The following PRELID2 variants were observed in gnomAD, a reference collection of about 807,000 sequenced individuals.
The protein encoded by PRELID2 is PRELI domain containing 2.
PRELID2 carries 25 observed loss-of-function variants against 28.4 expected under a neutral mutation model. That is an observed-to-expected ratio of 0.88 (90% CI 0.64 to 1.23). The LOEUF (loss-of-function observed/expected upper bound fraction) is 1.23, where lower values mean the gene tolerates loss of function less well. Among genes scored for constraint, PRELID2 ranks in the 50% most tolerant of loss-of-function variants. The pLI is 0.00. For missense variants in PRELID2, 201 were observed against 214.4 expected, an observed-to-expected ratio of 0.94 and a Z score of 0.39; for synonymous variants, 76 against 71.6, an observed-to-expected ratio of 1.06 and a Z score of -0.31.
intron 1 of PRELID2, among the ~76,000 whole-genome samples, chr5:145,581,263 T>C (rs1337343460): frequency 1.3e-5 from 2 of 152,080 alleles, no homozygotes; most frequent in Non-Finnish European, 2.9e-5. Context: ...GCCTGTCCTC[T>C]GCCTTTCATA....
chr5:145,650,504 T>C (rs1195774231), intron 1 of PRELID2, among the ~76,000 whole-genome samples: 3 of 142,702 alleles, frequency 2.1e-5, no homozygotes, highest in African/African-American at 5.2e-5. Context: ...AAGGTGAATT[T>C]TGAGCATATC....
At chr5:145,654,208 G>A (rs1046694250) in intron 1 of PRELID2, among the ~76,000 whole-genome samples, 9 of 152,124 alleles carry the variant, frequency 5.9e-5, no homozygotes, top group Non-Finnish European at 1.2e-4. Context: ...GGAAGAACTC[G>A]AATCCCTGAA....
chr5:145,468,634 A>G (rs1238995649), downstream of PRELID2, among the ~76,000 whole-genome samples: 1 of 152,080 alleles, frequency 6.6e-6, no homozygotes, highest in South Asian at 2.1e-4. Flanking sequence ...ATGGCATCTC[A>G]CTGTGGTTTT....
the PRELID2 span, among the ~76,000 whole-genome samples, chr5:145,428,351 A>G: frequency 6.6e-6 from 1 of 152,202 alleles, no homozygotes; most frequent in East Asian, 1.9e-4. Flanking sequence ...ACCCATTGTA[A>G]GAATCTCTAC....
chr5:145,613,054 A>C (rs915923616), intron 1 of PRELID2, among the ~76,000 whole-genome samples: 25 of 152,138 alleles, frequency 1.6e-4, no homozygotes, highest in Admixed American at 1.3e-3. Context: ...GAATCTCCAC[A>C]CTGTTTTCCC....
At chr5:145,532,547 A>G (rs1180094797) in intron 1 of PRELID2, among the ~76,000 whole-genome samples, 1 of 152,084 alleles carries the variant, frequency 6.6e-6, no homozygotes, top group African/African-American at 2.4e-5. Context: ...CTTGTTGTAC[A>G]ATAGATCTGC....
At chr5:145,629,707 G>A (rs1176515880) in intron 1 of PRELID2, among the ~76,000 whole-genome samples, 2 of 152,104 alleles carry the variant, frequency 1.3e-5, no homozygotes, top group African/African-American at 4.8e-5. Flanking sequence ...TTATAAATGA[G>A]GAAACTGAGG....
chr5:145,240,822 CAT>C, the PRELID2 span, among the ~76,000 whole-genome samples: 3 of 151,934 alleles, frequency 2.0e-5, no homozygotes, highest in Non-Finnish European at 2.9e-5. Flanking sequence ...AAAAAATTAA[CAT>C]GTTTGTTTCC....
At chr5:145,415,356 T>C in the PRELID2 span, among the ~76,000 whole-genome samples, 13 of 152,078 alleles carry the variant, frequency 8.5e-5, no homozygotes, top group South Asian at 2.7e-3. Context: ...TATGTATACA[T>C]GTGCCATGCT....
intron 2 of PRELID2, among the ~76,000 whole-genome samples, chr5:145,821,839 T>G (rs1395993529): frequency 3.9e-5 from 6 of 152,196 alleles, no homozygotes; most frequent in Non-Finnish European, 8.8e-5. Flanking sequence ...TTGATCTTCC[T>G]AACAACCTAA....
the PRELID2 span, among the ~76,000 whole-genome samples, chr5:145,275,972 C>A: frequency 1.3e-5 from 2 of 152,096 alleles, no homozygotes; most frequent in Non-Finnish European, 2.9e-5. Context: ...ATGTACATAA[C>A]TAGCAGTTTC....
intron 1 of PRELID2, among the ~76,000 whole-genome samples, chr5:145,540,257 A>G (rs1449237811): frequency 6.6e-6 from 1 of 151,974 alleles, no homozygotes; most frequent in South Asian, 2.1e-4. Context: ...CCATCTATCC[A>G]TAATAACAAA....
At chr5:145,812,912 C>T (rs570980527) in intron 4 of PRELID2, among the ~76,000 whole-genome samples, 177 of 152,302 alleles carry the variant, frequency 1.2e-3, no homozygotes, top group African/African-American at 4.0e-3. Context: ...AGTTGTGTGA[C>T]AGTACAGATG....
chr5:145,577,348 C>A (rs1244546029), intron 1 of PRELID2, among the ~76,000 whole-genome samples: 1 of 151,816 alleles, frequency 6.6e-6, no homozygotes, highest in African/African-American at 2.4e-5. Flanking sequence ...TACACAGAAA[C>A]AATTCAATGA....
chr5:145,280,626 A>T, the PRELID2 span, among the ~76,000 whole-genome samples: 2 of 151,998 alleles, frequency 1.3e-5, no homozygotes, highest in African/African-American at 4.8e-5. Flanking sequence ...CATTGTGCAC[A>T]TGTACCCTAA....
the PRELID2 span, among the ~76,000 whole-genome samples, chr5:145,255,154 C>T: frequency 6.6e-6 from 1 of 151,974 alleles, no homozygotes; most frequent in African/African-American, 2.4e-5. Flanking sequence ...TAATATTTGG[C>T]ATTCAATTAA....
the PRELID2 span, among the ~76,000 whole-genome samples, chr5:145,305,792 C>T: frequency 4.6e-5 from 7 of 152,140 alleles, no homozygotes; most frequent in African/African-American, 1.4e-4. Context: ...CACAAAGCAA[C>T]CCTTAACTCC....
At chr5:145,425,544 G>C in the PRELID2 span, among the ~76,000 whole-genome samples, 1 of 152,264 alleles carries the variant, frequency 6.6e-6, no homozygotes, top group South Asian at 2.1e-4. Flanking sequence ...ACAAAGTGTG[G>C]TAAACATACA....
intron 5 of PRELID2, among the ~76,000 whole-genome samples, chr5:145,790,949 T>C (rs532751814): frequency 6.6e-6 from 1 of 150,534 alleles, no homozygotes; most frequent in East Asian, 2.0e-4. Context: ...AACAGATATT[T>C]ATATACCCAT....
Sources: allele counts gnomAD v4.1 joint callset (sites outside exome capture counted in the v4.1 genomes callset), GRCh38; gene constraint gnomAD v4.1.1; transcripts MANE v1.5; gene names NCBI Gene and HGNC (gene_info 2026-07-23, HGNC 2026-07-21).